Variants in CCSER1 observed in about 807,000 individuals in gnomAD.
CCSER1 encodes the protein serine-rich coiled-coil domain-containing protein 1.
In CCSER1, 41 loss-of-function variants were observed where a neutral mutation model predicts 82.0. That is an observed-to-expected ratio of 0.50 (90% CI 0.39 to 0.65). CCSER1 has a LOEUF of 0.65. Ranked by LOEUF, CCSER1 falls within the 30% of genes least tolerant of loss-of-function variation. CCSER1 has a pLI of 0.00. For missense variants in CCSER1, 1,119 were observed against 1,064.2 expected, an observed-to-expected ratio of 1.05 and a Z score of -0.72; for synonymous variants, 414 against 383.9, an observed-to-expected ratio of 1.08 and a Z score of -0.92.
intron 1 of CCSER1, among the ~76,000 whole-genome samples, chr4:90,275,634 G>A (rs1016987392): frequency 1.3e-5 from 2 of 152,228 alleles, no homozygotes; most frequent in South Asian, 4.1e-4. Context: ...AGAAGGCCCT[G>A]TGTGGTTGCA....
At chr4:90,943,632 G>A (rs1287822533) in intron 9 of CCSER1, among the ~76,000 whole-genome samples, 1 of 151,626 alleles carries the variant, frequency 6.6e-6, no homozygotes, top group Non-Finnish European at 1.5e-5. Context: ...GTGCGATCAT[G>A]GCTCACTGCA....
chr4:91,207,871 T>A (rs1402769562), intron 10 of CCSER1, among the ~76,000 whole-genome samples: 1 of 151,890 alleles, frequency 6.6e-6, no homozygotes, highest in African/African-American at 2.4e-5. Flanking sequence ...TTCCTTTTTC[T>A]CTGAAGTTTG....
At chr4:90,742,198 T>C (rs1746665919) in intron 7 of CCSER1, among the ~76,000 whole-genome samples, 1 of 152,112 alleles carries the variant, frequency 6.6e-6, no homozygotes, top group African/African-American at 2.4e-5. Flanking sequence ...GTCCCCATGA[T>C]TGAATCACTC....
chr4:90,944,051 C>T (rs1249700924), intron 9 of CCSER1, among the ~76,000 whole-genome samples: 2 of 151,534 alleles, frequency 1.3e-5, no homozygotes, highest in African/African-American at 2.4e-5. Context: ...CTGGGCAAAA[C>T]GGTGAAACCC....
intron 6 of CCSER1, among the ~76,000 whole-genome samples, chr4:90,687,396 G>C (rs1433489005): frequency 6.6e-6 from 1 of 151,626 alleles, no homozygotes; most frequent in Non-Finnish European, 1.5e-5. Flanking sequence ...TGGTTGCATG[G>C]CTATTTACAG....
intron 10 of CCSER1, among the ~76,000 whole-genome samples, chr4:91,172,747 T>C (rs1315237356): frequency 6.6e-6 from 1 of 152,140 alleles, no homozygotes; most frequent in African/African-American, 2.4e-5. Flanking sequence ...TAGTGGGGGA[T>C]GAAGAAAATA....
intron 3 of CCSER1, among the ~76,000 whole-genome samples, chr4:90,319,607 G>A (rs559793616): frequency 2.3e-4 from 35 of 151,310 alleles, no homozygotes; most frequent in African/African-American, 8.0e-4. Flanking sequence ...AGCCGAGATC[G>A]CGCCACTGCA....
At chr4:91,437,607 A>G (rs1754751921) in intron 10 of CCSER1, among the ~76,000 whole-genome samples, 1 of 152,144 alleles carries the variant, frequency 6.6e-6, no homozygotes, top group Admixed American at 6.5e-5. Flanking sequence ...TCATCTCACT[A>G]GGGAGTGCCA....
intron 10 of CCSER1, among the ~76,000 whole-genome samples, chr4:91,495,760 A>C (rs1758770719): frequency 6.6e-6 from 1 of 151,604 alleles, no homozygotes; most frequent in South Asian, 2.1e-4. Context: ...TAATTTTATC[A>C]GTATTGGTCT....
At chr4:91,225,313 GTAATATATATGTATATATATTATA>G (rs1738077737) in intron 10 of CCSER1, among the ~76,000 whole-genome samples, 1 of 119,860 alleles carries the variant, frequency 8.3e-6, no homozygotes, top group Non-Finnish European at 1.6e-5. Flanking sequence ...TATTATATAT[GTAATATATATGTATATATATTATA>G]TATGTAATAT....
intron 10 of CCSER1, among the ~76,000 whole-genome samples, chr4:91,327,913 A>C (rs1454469066): frequency 1.3e-5 from 2 of 152,144 alleles, no homozygotes; most frequent in African/African-American, 2.4e-5. Context: ...CTCTTTGCTA[A>C]AGCATAACAA....
At chr4:90,143,273 C>G (rs937790728) in intron 1 of CCSER1, among the ~76,000 whole-genome samples, 2 of 152,164 alleles carry the variant, frequency 1.3e-5, no homozygotes, top group Non-Finnish European at 2.9e-5. Flanking sequence ...CAAGCTTCAT[C>G]TCTCAAGTCA....
Position 90,816,863 on chromosome 4 carries a change from T to C in CCSER1, c.2094+1018T>C, listed in dbSNP as rs555815453. On this transcript the variant is annotated intron_variant, in intron 8 of 10. Transcript: ENST00000509176. The stretch of plus-strand genomic sequence containing the variant: ...TTGGAGAAATTCAGAGCATAGTTTA[T>C]AGACTCTTCACAACTGACAATGTTT... Among the ~76,000 whole-genome samples, 6 of 152,258 alleles carry C rather than the reference T, an allele frequency of 3.9e-5. No individual in the cohort carries two copies. In the East Asian group the frequency reaches 7.7e-4, roughly 20 times the overall value.
At chr4:91,019,959 C>T (rs776299555) in intron 9 of CCSER1, among the ~76,000 whole-genome samples, 4 of 151,984 alleles carry the variant, frequency 2.6e-5, no homozygotes, top group Non-Finnish European at 5.9e-5. Context: ...GAAGAAAGAA[C>T]GTATATACTT....
chr4:90,169,821 A>AT (rs1445967600), intron 1 of CCSER1, among the ~76,000 whole-genome samples: 1 of 132,210 alleles, frequency 7.6e-6, no homozygotes, highest in Non-Finnish European at 1.5e-5. Context: ...TCACTGGGTT[A>AT]CACATGTACT....
intron 6 of CCSER1, among the ~76,000 whole-genome samples, chr4:90,631,555 C>T (rs112003056): frequency 7.9e-5 from 12 of 152,198 alleles, no homozygotes; most frequent in African/African-American, 2.4e-4. Flanking sequence ...TTTAAGATTG[C>T]TCTAGGGTTG....
intron 6 of CCSER1, among the ~76,000 whole-genome samples, chr4:90,687,978 G>C (rs1416378743): frequency 6.6e-6 from 1 of 152,008 alleles, no homozygotes; most frequent in Admixed American, 6.6e-5. Flanking sequence ...TGTCTTTGTT[G>C]AGCCTGAGTT....
At chr4:90,366,217 C>A in intron 3 of CCSER1, among the ~76,000 whole-genome samples, 1 of 149,174 alleles carries the variant, frequency 6.7e-6, no homozygotes, top group South Asian at 2.2e-4. Flanking sequence ...ATTATGTTTC[C>A]AAATAAATAT....
At chr4:90,245,595 G>A (rs914448143) in intron 1 of CCSER1, among the ~76,000 whole-genome samples, 5 of 152,084 alleles carry the variant, frequency 3.3e-5, no homozygotes, top group Non-Finnish European at 7.4e-5. Flanking sequence ...TAAAAATGAC[G>A]ATTGAACATC....
Sources: gnomAD v4.1 joint callset for allele counts (sites outside exome capture counted in the v4.1 genomes callset) on GRCh38, gnomAD v4.1.1 for gene constraint, MANE v1.5 for transcripts, NCBI Gene and HGNC (gene_info 2026-07-23, HGNC 2026-07-21) for gene names.